Variants in NKAIN2 observed in about 807,000 individuals in gnomAD.
NKAIN2 encodes the protein sodium/potassium-transporting ATPase subunit beta-1-interacting protein 2.
A neutral mutation model predicts 32.6 loss-of-function variants in NKAIN2; 14 were observed. The observed-to-expected ratio is 0.43, with a 90% CI of 0.28 to 0.67. NKAIN2 has a LOEUF of 0.67. NKAIN2 is among the 30% of genes least tolerant of loss of function. The pLI is 0.17. For missense variants in NKAIN2, 198 were observed against 258.3 expected (o/e 0.77, Z 1.60); for synonymous variants, 80 against 87.2 (o/e 0.92, Z 0.46).
intron 3 of NKAIN2, among the ~76,000 whole-genome samples, chr6:124,383,819 A>G (rs12528091): frequency 4.0e-5 from 6 of 151,806 alleles, no homozygotes; most frequent in Non-Finnish European, 2.9e-5. Context: ...ATTGTTCTGT[A>G]TTCCATACCT....
At chr6:124,739,391 CTGTG>C (rs146249002) in intron 4 of NKAIN2, among the ~76,000 whole-genome samples, 1 of 151,332 alleles carries the variant, frequency 6.6e-6, no homozygotes, top group Non-Finnish European at 1.5e-5. Flanking sequence ...CTGTCTTATT[CTGTG>C]TGTGTGTGTG....
At chr6:123,932,015 C>A (rs1231009292) in intron 1 of NKAIN2, among the ~76,000 whole-genome samples, 1 of 152,198 alleles carries the variant, frequency 6.6e-6, no homozygotes, top group South Asian at 2.1e-4. Flanking sequence ...ATTTTTCACT[C>A]TCTGCTTTGT....
chr6:124,362,657 C>T (rs1799337788), intron 3 of NKAIN2, among the ~76,000 whole-genome samples: 1 of 152,064 alleles, frequency 6.6e-6, no homozygotes, highest in African/African-American at 2.4e-5. Context: ...GTCACATCTC[C>T]AACTTCCTGC....
At chr6:123,836,113 C>T (rs1774607815) in intron 1 of NKAIN2, among the ~76,000 whole-genome samples, 1 of 151,818 alleles carries the variant, frequency 6.6e-6, no homozygotes, top group Admixed American at 6.6e-5. Flanking sequence ...AATACATGAT[C>T]AAATAACAAA....
At chr6:123,841,355 C>T (rs1030611097) in intron 1 of NKAIN2, among the ~76,000 whole-genome samples, 3 of 152,114 alleles carry the variant, frequency 2.0e-5, no homozygotes, top group East Asian at 3.9e-4. Context: ...ATCAGTGTTA[C>T]AATCGTGAGA....
chr6:124,759,074 A>G (rs958204933), intron 4 of NKAIN2, among the ~76,000 whole-genome samples: 2 of 152,120 alleles, frequency 1.3e-5, no homozygotes, highest in African/African-American at 4.8e-5. Context: ...TGTACTTTGT[A>G]TCATGTTGAT....
intron 1 of NKAIN2, among the ~76,000 whole-genome samples, chr6:123,991,052 CTG>C (rs1779389077): frequency 1.3e-5 from 2 of 152,140 alleles, no homozygotes. Context: ...CAGAATGCTT[CTG>C]TGTACATACA....
At chr6:124,013,084 G>A (rs28608198) in intron 1 of NKAIN2, among the ~76,000 whole-genome samples, 2,677 of 152,168 alleles carry the variant, frequency 0.018, 86 homozygotes, top group African/African-American at 0.061. Context: ...AATAACTAAC[G>A]ATGATGAACA....
chr6:124,817,460 A>G (rs1781216597), intron 5 of NKAIN2, among the ~76,000 whole-genome samples: 1 of 152,046 alleles, frequency 6.6e-6, no homozygotes, highest in Admixed American at 6.6e-5. Flanking sequence ...TCCTTCATTG[A>G]TCTCTCCATG....
intron 4 of NKAIN2, among the ~76,000 whole-genome samples, chr6:124,710,969 G>C (rs9401761): frequency 0.42 from 60,854 of 146,294 alleles, 12,924 homozygotes; most frequent in African/African-American, 0.46. Context: ...TGGCTGGTAC[G>C]GGTTGTTCCT....
chr6:124,814,238 G>A (rs1216707913), intron 5 of NKAIN2, among the ~76,000 whole-genome samples: 1 of 152,094 alleles, frequency 6.6e-6, no homozygotes, highest in African/African-American at 2.4e-5. Context: ...TTCTCCCTGA[G>A]GTCTTTAGGA....
chr6:124,115,548 G>A (rs1785569529), intron 1 of NKAIN2, among the ~76,000 whole-genome samples: 1 of 152,028 alleles, frequency 6.6e-6, no homozygotes, highest in Non-Finnish European at 1.5e-5. Flanking sequence ...TCCTCCTTGA[G>A]CAGTAGTGAC....
intron 1 of NKAIN2, among the ~76,000 whole-genome samples, chr6:124,268,038 A>C (rs1328173207): frequency 1.3e-5 from 2 of 152,142 alleles, no homozygotes; most frequent in Non-Finnish European, 2.9e-5. Context: ...CATTTTTTAA[A>C]ACCTTATTTT....
intron 2 of NKAIN2, among the ~76,000 whole-genome samples, chr6:124,343,087 T>C (rs142078792): frequency 0.012 from 1,870 of 150,458 alleles, 38 homozygotes; most frequent in African/African-American, 0.043. Context: ...CGGTCTTTGG[T>C]TTTTTGTCCT....
intron 4 of NKAIN2, among the ~76,000 whole-genome samples, chr6:124,720,743 T>C (rs1275680405): frequency 6.6e-6 from 1 of 152,168 alleles, no homozygotes; most frequent in Non-Finnish European, 1.5e-5. Context: ...AGTGACCACA[T>C]CTGCAGAGCC....
intron 3 of NKAIN2, among the ~76,000 whole-genome samples, chr6:124,360,397 T>C (rs935805482): frequency 6.6e-6 from 1 of 152,122 alleles, no homozygotes; most frequent in African/African-American, 2.4e-5. Flanking sequence ...ATTATAGTAA[T>C]CAACCAACTC....
At chr6:124,458,426 T>C (rs1489904207) in intron 3 of NKAIN2, among the ~76,000 whole-genome samples, 1 of 151,858 alleles carries the variant, frequency 6.6e-6, no homozygotes, top group East Asian at 1.9e-4. Context: ...GTGTATTAGA[T>C]GGAAGTAGTA....
intron 3 of NKAIN2, among the ~76,000 whole-genome samples, chr6:124,576,494 A>T (rs1781340166): frequency 6.6e-6 from 1 of 152,246 alleles, no homozygotes; most frequent in East Asian, 1.9e-4. Flanking sequence ...TTACAAATAT[A>T]TGAAGATATT....
chr6:124,661,053 T>C (rs1390312723), intron 4 of NKAIN2, among the ~76,000 whole-genome samples: 2 of 152,174 alleles, frequency 1.3e-5, no homozygotes, highest in Admixed American at 1.3e-4. Context: ...TCCTCAGTGC[T>C]TGTCTCCTTC....
Sources: gnomAD v4.1 joint callset for allele counts (sites outside exome capture counted in the v4.1 genomes callset) on GRCh38, gnomAD v4.1.1 for gene constraint, MANE v1.5 for transcripts, NCBI Gene and HGNC (gene_info 2026-07-23, HGNC 2026-07-21) for gene names.